Variants in TMEM87B observed in about 807,000 individuals in gnomAD.
The protein encoded by TMEM87B is transmembrane protein 87B.
In TMEM87B, 83 loss-of-function variants were observed where a neutral mutation model predicts 80.3. That is an observed-to-expected ratio of 1.03 (90% confidence interval 0.87 to 1.24). The LOEUF is 1.24. TMEM87B is among the 50% of genes most tolerant of loss of function. The pLI, the probability that TMEM87B is intolerant of heterozygous loss-of-function variation, is 0.00. For missense variants in TMEM87B, 625 were observed against 674.4 expected (o/e 0.93, Z 0.81); for synonymous variants, 219 against 230.5 (o/e 0.95, Z 0.45).
At position 112,118,679 on chromosome 2, in the gene TMEM87B, AAAT is replaced by A. The variant is rs1281736771; in HGVS notation, c.*2541_*2543del. Reference sequence around the variant, plus strand: ...TGTTCCCATATTTTTCTTGTAAAGAAAATAATATTTTAACTTACACATCCTGTA... The same window carrying A: ...TGTTCCCATATTTTTCTTGTAAAGAAAATATTTTAACTTACACATCCTGTA... On this transcript the variant is annotated 3_prime_UTR_variant, in exon 19 of 19. Transcript: ENST00000283206. 6.6e-6 allele frequency: 1 copy of A among 152,182 alleles called. No individual in the cohort carries two copies. Among genetic ancestry groups the A allele is most frequent in the African/African-American group, 2.4e-5 (1 of 41,440 alleles). The allele number at this position is 152,182 out of a possible 1,614,324, so 9.4% of individuals were successfully genotyped here.
chr2:112,097,592 A>T (rs1679509136), intron 13 of TMEM87B, among the ~76,000 whole-genome samples: 1 of 151,358 alleles, frequency 6.6e-6, no homozygotes, highest in Admixed American at 6.6e-5. Flanking sequence ...GGGTGCCTGT[A>T]GTCCCAGCTA....
At chr2:112,072,682 G>A (rs1227789362) in intron 4 of TMEM87B, among the ~76,000 whole-genome samples, 2 of 151,608 alleles carry the variant, frequency 1.3e-5, no homozygotes, top group Non-Finnish European at 2.9e-5. Flanking sequence ...AACCTACCTA[G>A]CAGTCTATCT....
chr2:112,076,886 G>C (rs1487371949), intron 5 of TMEM87B, among the ~76,000 whole-genome samples: 1 of 89,246 alleles, frequency 1.1e-5, no homozygotes, highest in African/African-American at 4.2e-5. Context: ...GTGTGTGTGT[G>C]TGTCTGTGTG....
chr2:112,077,258 A>G lies in TMEM87B; in HGVS notation c.568A>G (p.Thr190Ala). 1.3e-6 allele frequency: 2 copies of G among 1,590,500 alleles called. No homozygotes were observed. The highest frequency in any genetic ancestry group is 1.7e-6 in the Non-Finnish European group (2 of 1,167,842). Residue 190 changes from threonine to alanine, a missense_variant, in exon 6 of 19, where the codon ACA becomes GCA. By Grantham distance (58) the Thr-to-Ala change is moderately conservative. Transcript: ENST00000283206. ...TATTGTTTCTATTAAAACGGAGAAT[A>G]CAGATGCAAGCTGGAATTTGAATGG... Reference protein sequence around the residue: ...IFIVSIKTENTDASWNLNVSL... With the variant: ...IFIVSIKTENADASWNLNVSL...
intron 9 of TMEM87B, among the ~76,000 whole-genome samples, chr2:112,089,295 T>C (rs1679234904): frequency 6.6e-6 from 1 of 152,212 alleles, no homozygotes; most frequent in Non-Finnish European, 1.5e-5. Context: ...TTTACCTTCC[T>C]AGATTTCATC....
intron 16 of TMEM87B, 71 bp from the exon 17 acceptor site, chr2:112,107,717 T>C (rs1163039178): frequency 2.5e-6 from 2 of 792,218 alleles, no homozygotes; most frequent in Non-Finnish European, 4.0e-6. Context: ...TTAAGTTATA[T>C]ATATATTCTG....
chr2:112,059,941 C>G (rs1184149415), intron 1 of TMEM87B, 36 bp from the exon 2 acceptor site: 3 of 1,585,152 alleles, frequency 1.9e-6, no homozygotes, highest in Non-Finnish European at 2.6e-6. Flanking sequence ...AAAAAACTTT[C>G]TAACAAGATC....
chr2:112,084,579 CTG>C lies in TMEM87B; in HGVS notation c.839-1424_839-1423del, dbSNP rs1190511326. On this transcript the variant is annotated intron_variant, in intron 8 of 18. Coordinates refer to ENST00000283206, the MANE Select transcript of TMEM87B (RefSeq NM_032824.3). Reference sequence around the variant, plus strand: ...CATCTTTCTTGGCTTCTTGCTCTGCCTGTAGTTCTAGATCTATCTTCGAGGCA... The same window carrying C: ...CATCTTTCTTGGCTTCTTGCTCTGCCTAGTTCTAGATCTATCTTCGAGGCA... 2.0e-5 allele frequency among the ~76,000 whole-genome samples: 3 copies of C among 152,336 alleles called. No homozygotes were observed. The South Asian group carries it at 6.2e-4, about 32-fold the overall frequency.
chr2:112,075,778 A>G (rs181882620), intron 5 of TMEM87B, among the ~76,000 whole-genome samples: 47 of 152,316 alleles, frequency 3.1e-4, no homozygotes, highest in African/African-American at 1.0e-3. Flanking sequence ...CAACCATCCT[A>G]AAGAAGTCTG....
chr2:112,087,819 T>A (rs1679192182), intron 9 of TMEM87B, among the ~76,000 whole-genome samples: 1 of 152,196 alleles, frequency 6.6e-6, no homozygotes, highest in Admixed American at 6.5e-5. Flanking sequence ...TATTGCTCTA[T>A]TGAGACTGCT....
At chr2:112,097,344 G>C in intron 13 of TMEM87B, 53 bp downstream of exon 13, 1 of 1,418,098 alleles carries the variant, frequency 7.1e-7, no homozygotes, top group Non-Finnish European at 9.6e-7. Flanking sequence ...CTATTTTGTA[G>C]AATTTTGAAC....
rs1313029392 is a variant in TMEM87B at position 112,119,046 on chromosome 2, T to G, written c.*2903T>G. ...ATTGAATGTATATAAGTGGCAAAAC[T>G]AGATTTTTAAGGAAGTGTACATTAT... On this transcript the variant is annotated 3_prime_UTR_variant, in exon 19 of 19. Coordinates refer to ENST00000283206, the MANE Select transcript of TMEM87B (RefSeq NM_032824.3). 6.6e-6 allele frequency: 1 copy of G among 152,206 alleles called. No homozygotes were observed. Among genetic ancestry groups the G allele is most frequent in the Non-Finnish European group, 1.5e-5 (1 of 68,010 alleles). 9.4% of individuals were successfully genotyped at this position (152,206 alleles called of 1,614,324 possible). A position where few individuals can be genotyped will look rare whatever the true frequency, so the allele number is the denominator to read the frequency against.
intron 15 of TMEM87B, among the ~76,000 whole-genome samples, chr2:112,103,897 G>C (rs902537175): frequency 3.3e-5 from 5 of 152,210 alleles, no homozygotes; most frequent in Admixed American, 3.3e-4. Flanking sequence ...CATAAGGATA[G>C]AGAAATCCAT....
chr2:112,107,423 T>A (rs1679801261), intron 16 of TMEM87B, among the ~76,000 whole-genome samples: 1 of 151,836 alleles, frequency 6.6e-6, no homozygotes, highest in Admixed American at 6.6e-5. Flanking sequence ...AAACTCATTA[T>A]ATAAGAACTA....
At chr2:112,096,985 T>G (rs985951860) in intron 11 of TMEM87B, 59 bp from the exon 12 acceptor site, 11 of 1,151,680 alleles carry the variant, frequency 9.6e-6, no homozygotes, top group Non-Finnish European at 2.5e-6. Context: ...TAGAAGATTC[T>G]GTTTTTTTTT....
chr2:112,055,679 C>T lies in TMEM87B; in HGVS notation c.88C>T (p.Leu30Phe), dbSNP rs199855000. The part of the protein sequence containing the change: ...PARAPLLRVA[L>F]CLLCWTPAAV... ...CCGGGCCCCGCTGCTGCGCGTCGCC[C>T]TCTGCCTCCTGTGCTGGACCCCGGC... Residue 30 changes from leucine (L) to phenylalanine (F), a missense_variant, in exon 1 of 19, where the codon CTC (leucine) becomes TTC (phenylalanine). Leu to Phe is a conservative substitution (Grantham distance 22). Transcript: ENST00000283206. 1.4e-4 allele frequency: 230 copies of T among 1,586,510 alleles called. No homozygotes were observed. The African/African-American group carries it at 2.8e-3, about 20-fold the overall frequency.
chr2:112,108,907 CATT>C, intron 17 of TMEM87B, among the ~76,000 whole-genome samples: 1 of 152,300 alleles, frequency 6.6e-6, no homozygotes, highest in East Asian at 1.9e-4. Flanking sequence ...AAAGCAGCTG[CATT>C]ATTTTATAAT....
At position 112,118,626 on chromosome 2, in the gene TMEM87B, AATTTTT is replaced by A. The variant is rs1441902502; in HGVS notation, c.*2484_*2489del. 6.6e-6 allele frequency: 1 copy of A among 152,142 alleles called. No individual in the cohort carries two copies. The highest frequency in any genetic ancestry group is 1.5e-5 in the Non-Finnish European group (1 of 68,012). 9.4% of individuals were successfully genotyped at this position (152,142 alleles called of 1,614,324 possible). On this transcript the variant is annotated 3_prime_UTR_variant, in exon 19 of 19. Coordinates refer to ENST00000283206, the MANE Select transcript of TMEM87B (RefSeq NM_032824.3). Reference sequence around the variant, plus strand: ...ATAAGGAAAAATATGTGAATATGTGAATTTTTTAAGCCTGAGAGATGATAGAATGTT... The same window carrying A: ...ATAAGGAAAAATATGTGAATATGTGATAAGCCTGAGAGATGATAGAATGTT...
chr2:112,076,779 G>A (rs1678829376), intron 5 of TMEM87B, among the ~76,000 whole-genome samples: 1 of 151,884 alleles, frequency 6.6e-6, no homozygotes, highest in South Asian at 2.1e-4. Context: ...AGGTCTGGAA[G>A]GATGGTGTTT....
Sources: allele counts gnomAD v4.1 joint callset (sites outside exome capture counted in the v4.1 genomes callset), GRCh38; gene constraint gnomAD v4.1.1; transcripts MANE v1.5; gene names NCBI Gene and HGNC (gene_info 2026-07-23, HGNC 2026-07-21).